Variants in GREB1 observed in about 807,000 individuals in gnomAD.
GREB1 encodes the protein growth regulating estrogen receptor binding 1, also known as protein GREB1.
In GREB1, 106 loss-of-function variants were observed where a neutral mutation model predicts 200.7. The observed-to-expected ratio is 0.53, with a 90% CI of 0.45 to 0.62. The LOEUF (loss-of-function observed/expected upper bound fraction) is 0.62, where lower values mean the gene tolerates loss of function less well. GREB1 is among the 20% of genes least tolerant of loss of function. The pLI, the probability that GREB1 is intolerant of heterozygous loss-of-function variation, is 0.00. For missense variants in GREB1, 2,243 were observed against 2,556.8 expected (o/e 0.88, Z 2.65); for synonymous variants, 1,132 against 1,092.4 (o/e 1.04, Z -0.72).
At chr2:11,514,104 A>G (rs975397570) in intron 1 of GREB1, among the ~76,000 whole-genome samples, 20 of 152,200 alleles carry the variant, frequency 1.3e-4, no homozygotes, top group African/African-American at 3.9e-4. Flanking sequence ...ACCAGATGGG[A>G]TAGAGTTGAA....
At chr2:11,559,356 C>T (rs1676753361) in intron 2 of GREB1, among the ~76,000 whole-genome samples, 1 of 152,182 alleles carries the variant, frequency 6.6e-6, no homozygotes, top group African/African-American at 2.4e-5. Flanking sequence ...CCATCACAGC[C>T]CCTGGAATAT....
At chr2:11,551,641 C>T (rs1558530870) in intron 1 of GREB1, among the ~76,000 whole-genome samples, 1 of 152,236 alleles carries the variant, frequency 6.6e-6, no homozygotes, top group African/African-American at 2.4e-5. Context: ...GTTTTCGTGC[C>T]TTTGCACTCT....
chr2:11,560,561 C>T (rs1558545245), intron 2 of GREB1, among the ~76,000 whole-genome samples: 2 of 152,108 alleles, frequency 1.3e-5, no homozygotes, highest in African/African-American at 4.8e-5. Flanking sequence ...ATTCGTTGGG[C>T]GTAATGGTAG....
At position 11,550,229 on chromosome 2, in the gene GREB1, TAATA is replaced by T. The variant is rs1276982051; in HGVS notation, c.-161-6215_-161-6212del. On this transcript the variant is annotated intron_variant, in intron 1 of 32. Coordinates refer to ENST00000381486, the MANE Select transcript of GREB1 (RefSeq NM_014668.4). Reference sequence around the variant, plus strand: ...CGAAACTCTGTCTCAAAAATAATAATAATAAATAAATAATAAAAGAAAGCTGCTG... The same window carrying T: ...CGAAACTCTGTCTCAAAAATAATAATAATAAATAATAAAAGAAAGCTGCTG... 1.3e-4 allele frequency among the ~76,000 whole-genome samples: 20 copies of T among 152,000 alleles called. No homozygotes were observed. The East Asian group carries it at 1.7e-3, about 13-fold the overall frequency.
intron 4 of GREB1, among the ~76,000 whole-genome samples, chr2:11,574,026 C>A (rs1204535952): frequency 6.6e-6 from 1 of 152,220 alleles, no homozygotes; most frequent in African/African-American, 2.4e-5. Flanking sequence ...TTTCTTCGGG[C>A]CTTGTTCTTA....
At chr2:11,518,361 G>C (rs566064954) in intron 1 of GREB1, among the ~76,000 whole-genome samples, 2 of 152,300 alleles carry the variant, frequency 1.3e-5, no homozygotes, top group East Asian at 3.9e-4. Context: ...AGGTGACTGT[G>C]TTTTCCTTTC....
chr2:11,637,979 T>A, intron 31 of GREB1, 63 bp downstream of exon 31: 1 of 1,384,568 alleles, frequency 7.2e-7, no homozygotes, highest in Non-Finnish European at 1.0e-6. Flanking sequence ...ACCAATGGGC[T>A]GGAATCTGGG....
Position 11,585,247 on chromosome 2 carries a change from CA to C in GREB1, c.990del (p.Gly331ValfsTer45). Reference protein sequence around the residue: ...SPSAPDGGCPQGGGNRAKYES... With the variant: ...SPSAPDGGCPXGGGNRAKYES... Reference sequence around the variant, plus strand: ...ATCAGCTCCAGATGGTGGCTGCCCCCAAGGTGGTGGGAACAGAGCTAAGTAT... The same window carrying C: ...ATCAGCTCCAGATGGTGGCTGCCCCCAGGTGGTGGGAACAGAGCTAAGTAT... On this transcript the variant is annotated frameshift_variant, in exon 8 of 33. Coordinates refer to ENST00000381486, the MANE Select transcript of GREB1 (RefSeq NM_014668.4). LOFTEE classifies it high-confidence loss of function. 6.4e-7 allele frequency: 1 copy of C among 1,569,148 alleles called. No individual in the cohort carries two copies. The highest frequency in any genetic ancestry group is 2.0e-5 in the Admixed American group (1 of 50,168).
In GREB1 at chr2:11,618,804, T is replaced by G. The variant is rs1215930253; in HGVS notation, c.3929T>G (p.Leu1310Arg). ...ACCATGACATCCACCGAGCAGTCCC[T>G]CTACTACCGGCAGTGGACGGTGCCC... Reference protein sequence around the residue: ...SKTMTSTEQSLYYRQWTVPRP... With the variant: ...SKTMTSTEQSRYYRQWTVPRP... Residue 1310 changes from leucine (L) to arginine (R), a missense_variant, in exon 22 of 33, where the codon CTC becomes CGC. This residue lies in a region of GREB1 where 587 missense variants were observed against 553.1 expected (regional missense o/e 1.06). Coordinates refer to ENST00000381486, the MANE Select transcript of GREB1 (RefSeq NM_014668.4). 2.2e-5 allele frequency: 35 copies of G among 1,609,244 alleles called. No homozygotes were observed. The highest frequency in any genetic ancestry group is 2.8e-5 in the Non-Finnish European group (33 of 1,179,812).
intron 1 of GREB1, among the ~76,000 whole-genome samples, chr2:11,525,769 T>G (rs1436847701): frequency 2.0e-5 from 3 of 152,038 alleles, no homozygotes; most frequent in Non-Finnish European, 4.4e-5. Context: ...AGTCAGAACT[T>G]CATATGCCTG....
chr2:11,581,133 C>G, intron 7 of GREB1: 1 of 597,864 alleles, frequency 1.7e-6, no homozygotes, highest in Non-Finnish European at 3.0e-6. Flanking sequence ...AATTTTGGAG[C>G]AATAGTGGGC....
intron 1 of GREB1, among the ~76,000 whole-genome samples, chr2:11,494,781 G>A (rs80329350): frequency 0.034 from 5,209 of 152,264 alleles, 301 homozygotes; most frequent in African/African-American, 0.11. Flanking sequence ...GATGGGGTCA[G>A]TAATAATCAA....
Position 11,588,727 on chromosome 2 carries a change from C to T in GREB1, c.1160-19C>T, listed in dbSNP as rs976072039. On this transcript the variant is annotated intron_variant, in intron 9 of 32. Coordinates refer to ENST00000381486, the MANE Select transcript of GREB1 (RefSeq NM_014668.4). Reference sequence around the variant, plus strand: ...CTGTGCACAAGACTGGGTGCCAAGTCGCTGCTGTTCCTCTGCAGGCCATGG... The same window carrying T: ...CTGTGCACAAGACTGGGTGCCAAGTTGCTGCTGTTCCTCTGCAGGCCATGG... The T allele has an allele frequency of 1.3e-5, 21 of 1,612,402 alleles. No homozygotes were observed. Among genetic ancestry groups the T allele is most frequent in the Admixed American group, 1.7e-5 (1 of 60,014 alleles).
chr2:11,575,148 G>A (rs1323273107), intron 4 of GREB1, among the ~76,000 whole-genome samples: 1 of 152,180 alleles, frequency 6.6e-6, no homozygotes, highest in African/African-American at 2.4e-5. Context: ...AGAGCCGGGT[G>A]GCCCTCACGG....
rs148901217 is a variant in GREB1 at position 11,580,746 on chromosome 2, C to T, written c.815C>T (p.Pro272Leu). The T allele has an allele frequency of 3.8e-5, 62 of 1,614,146 alleles. No homozygotes were observed. The highest frequency in any genetic ancestry group is 1.1e-4 in the South Asian group (10 of 91,082). ...CCCTCACTAAACGCAGCAATGGGTC[C>T]GGCTGTTTTCAACGGCAAAGATTCC... Reference protein sequence around the residue: ...DHPSLNAAMGPAVFNGKDSPK... With the variant: ...DHPSLNAAMGLAVFNGKDSPK... Residue 272 changes from proline (P) to leucine (L), a missense_variant, in exon 7 of 33, where the codon CCG (proline) becomes CTG (leucine). Pro to Leu is a moderately conservative substitution (Grantham distance 98, BLOSUM62 -3). Coordinates refer to ENST00000381486, the MANE Select transcript of GREB1 (RefSeq NM_014668.4). The surrounding 1 kb of genome is among the most constrained non-coding windows in gnomAD (Gnocchi z 4.5).
intron 1 of GREB1, among the ~76,000 whole-genome samples, chr2:11,538,274 C>T (rs1336631432): frequency 1.3e-5 from 2 of 152,156 alleles, no homozygotes; most frequent in Non-Finnish European, 2.9e-5. Flanking sequence ...CAAGTTCTAC[C>T]CTTTAGCGCC....
At position 11,616,704 on chromosome 2, in the gene GREB1, CTCCTCCAAGGCT is replaced by C. The variant is rs1378151459; in HGVS notation, c.3400_3411del (p.Ser1134_Ser1137del). On this transcript the variant is annotated inframe_deletion, in exon 21 of 33. Coordinates refer to ENST00000381486, the MANE Select transcript of GREB1 (RefSeq NM_014668.4). ...CCCACGACTCAGCATCCTCATCCCT[CTCCTCCAAGGCT>C]TCCGGTGAGTCTTCCCACACGGGAA... 3 of 1,608,712 alleles carry C rather than the reference CTCCTCCAAGGCT, an allele frequency of 1.9e-6. No homozygotes were observed. Among genetic ancestry groups the C allele is most frequent in the Non-Finnish European group, 2.6e-6 (3 of 1,175,042 alleles).
At chr2:11,503,752 G>A (rs562582695) in intron 1 of GREB1, among the ~76,000 whole-genome samples, 5 of 152,290 alleles carry the variant, frequency 3.3e-5, no homozygotes, top group South Asian at 2.1e-4. Context: ...GATTGCTCAC[G>A]TCTGGTTATC....
intron 1 of GREB1, among the ~76,000 whole-genome samples, chr2:11,541,878 G>A (rs562793689): frequency 1.3e-5 from 2 of 152,288 alleles, no homozygotes; most frequent in South Asian, 2.1e-4. Flanking sequence ...GGGTCAAGCC[G>A]ATGCCTTGTA....
Sources: allele counts gnomAD v4.1 joint callset (sites outside exome capture counted in the v4.1 genomes callset), GRCh38; gene constraint gnomAD v4.1.1; regional missense constraint gnomAD v4.1.1; non-coding constraint Gnocchi (gnomAD v3.1); transcripts MANE v1.5; gene names NCBI Gene and HGNC (gene_info 2026-07-23, HGNC 2026-07-21).